TMEM135: variants seen among roughly 807,000 people sequenced by gnomAD.
TMEM135 encodes the protein transmembrane protein 135, also known as peroxisomal membrane protein 52.
Under a neutral mutation model 60.3 loss-of-function variants are expected in TMEM135, and 30 were observed. The ratio of observed to expected loss-of-function variants is 0.50; its 90% CI spans 0.37 to 0.68. TMEM135 has a LOEUF of 0.68. TMEM135 is among the 30% of genes least tolerant of loss of function. TMEM135 has a pLI of 0.00. For missense variants in TMEM135, 468 were observed against 548.8 expected (o/e 0.85, Z 1.47); for synonymous variants, 190 against 186.7 (o/e 1.02, Z -0.14).
intron 1 of TMEM135, among the ~76,000 whole-genome samples, chr11:87,054,378 G>A (rs1310366714): frequency 6.6e-6 from 1 of 152,166 alleles, no homozygotes; most frequent in Admixed American, 6.5e-5. Flanking sequence ...AGGTTGCGAT[G>A]AGCCTAGATT....
chr11:87,083,061 C>G (rs140166929), intron 3 of TMEM135, among the ~76,000 whole-genome samples: 2,376 of 151,930 alleles, frequency 0.016, 25 homozygotes, highest in Middle Eastern at 0.027. Context: ...CCTCTTTTTT[C>G]CTTCTCTCTA....
intron 4 of TMEM135, among the ~76,000 whole-genome samples, chr11:87,149,518 A>G (rs1275142369): frequency 6.6e-6 from 1 of 152,240 alleles, no homozygotes; most frequent in Non-Finnish European, 1.5e-5. Context: ...TTTAACACAG[A>G]CAACAGATTG....
At chr11:87,280,384 T>C (rs1268660910) in intron 6 of TMEM135, among the ~76,000 whole-genome samples, 2 of 152,190 alleles carry the variant, frequency 1.3e-5, no homozygotes, top group African/African-American at 4.8e-5. Flanking sequence ...AAAGTTCAAA[T>C]TCGTTTTTGG....
intron 5 of TMEM135, among the ~76,000 whole-genome samples, chr11:87,201,334 C>A (rs1285668259): frequency 6.6e-6 from 1 of 152,068 alleles, no homozygotes; most frequent in African/African-American, 2.4e-5. Flanking sequence ...CTTCATGTTC[C>A]ATTTTTTCTG....
chr11:87,195,311 C>CTCTT (rs1220658089), intron 5 of TMEM135, among the ~76,000 whole-genome samples: 60 of 138,056 alleles, frequency 4.3e-4, no homozygotes, highest in Middle Eastern at 3.7e-3. Flanking sequence ...CTCTTTCTTT[C>CTCTT]TCTTTCCTTC....
chr11:87,239,462 C>A (rs1207538512), intron 6 of TMEM135, among the ~76,000 whole-genome samples: 3 of 151,900 alleles, frequency 2.0e-5, no homozygotes, highest in Non-Finnish European at 4.4e-5. Context: ...TTGGCAGGTC[C>A]AATTGCATTT....
intron 4 of TMEM135, chr11:87,096,166 G>T: frequency 3.7e-6 from 1 of 270,294 alleles, no homozygotes; most frequent in Non-Finnish European, 6.9e-6. Context: ...CTACTACTTG[G>T]AAAACTAGCA....
intron 5 of TMEM135, among the ~76,000 whole-genome samples, chr11:87,216,196 G>T (rs113971188): frequency 2.0e-5 from 3 of 152,132 alleles, no homozygotes; most frequent in South Asian, 4.1e-4. Context: ...GATCCCCTGC[G>T]GATAAGGGGG....
chr11:87,245,256 G>A lies in TMEM135; in HGVS notation c.509+8572G>A, dbSNP rs570694237. ...TCTGTTCTTTTACATTTGCTGAGGA[G>A]AGCTTTACTTCCACGTATGTGGTCA... On this transcript the variant is annotated intron_variant, in intron 6 of 14. Coordinates refer to ENST00000305494, the MANE Select transcript of TMEM135 (RefSeq NM_022918.4). Among the ~76,000 whole-genome samples the A allele has an allele frequency of 5.9e-5, 9 of 151,322 alleles. No homozygotes were observed. In the South Asian group the frequency reaches 1.7e-3, roughly 28 times the overall value.
intron 6 of TMEM135, among the ~76,000 whole-genome samples, chr11:87,269,949 A>G (rs1288308835): frequency 1.6e-5 from 2 of 123,586 alleles, no homozygotes. Flanking sequence ...GAACTAGTTT[A>G]CAGTCCCACC....
chr11:87,150,585 G>A (rs1236685680), intron 4 of TMEM135, among the ~76,000 whole-genome samples: 1 of 152,144 alleles, frequency 6.6e-6, no homozygotes, highest in Admixed American at 6.5e-5. Context: ...CTGAGCCATT[G>A]TACAACTTTT....
At chr11:87,211,175 C>T (rs1190874585) in intron 5 of TMEM135, among the ~76,000 whole-genome samples, 1 of 152,154 alleles carries the variant, frequency 6.6e-6, no homozygotes, top group African/African-American at 2.4e-5. Context: ...AGGTCATACA[C>T]AGTAAGGGCT....
In TMEM135 at chr11:87,325,041, T is replaced by C; in HGVS notation, c.*3708T>C. ...TACAATTGCCTCCAGCCCTTTACTA[T>C]TGGTGCTGAAGCCACCATTGGTGCC... On this transcript the variant is annotated 3_prime_UTR_variant, in exon 15 of 15. Transcript: ENST00000305494. 1 of 454,012 alleles carries C rather than the reference T, an allele frequency of 2.2e-6. No homozygotes were observed. The highest frequency in any genetic ancestry group is 4.4e-6 in the Non-Finnish European group (1 of 226,746). 28.1% of individuals were successfully genotyped at this position (454,012 alleles called of 1,614,324 possible).
At chr11:87,173,600 CAT>C (rs1939296364) in intron 5 of TMEM135, among the ~76,000 whole-genome samples, 1 of 152,168 alleles carries the variant, frequency 6.6e-6, no homozygotes, top group Non-Finnish European at 1.5e-5. Flanking sequence ...ATGTCTGCCA[CAT>C]GTCTGCCACA....
Position 87,054,699 on chromosome 11 carries a change from T to G in TMEM135, c.142-12995T>G, listed in dbSNP as rs1590982495. On this transcript the variant is annotated intron_variant, in intron 1 of 14. Coordinates refer to ENST00000305494, the MANE Select transcript of TMEM135 (RefSeq NM_022918.4). Reference sequence around the variant, plus strand: ...ATTGTGATTAATCCACTTTGGGAGTTTCCTTGAAAGATTCTGCACCTATTG... The same window carrying G: ...ATTGTGATTAATCCACTTTGGGAGTGTCCTTGAAAGATTCTGCACCTATTG... Among the ~76,000 whole-genome samples, 4 of 152,298 alleles carry G rather than the reference T, an allele frequency of 2.6e-5. 1 individual carries two copies. The South Asian group carries it at 8.3e-4, about 32-fold the overall frequency.
Position 87,298,011 on chromosome 11 carries a change from T to A in TMEM135, c.551+2188T>A, listed in dbSNP as rs1271905784. On this transcript the variant is annotated intron_variant, in intron 7 of 14. Coordinates refer to ENST00000305494, the MANE Select transcript of TMEM135 (RefSeq NM_022918.4). ...CAAATATATTTTTTATTGTCAAGTT[T>A]CATTGTAAAAAAATAATGTGAGTTA... Among the ~76,000 whole-genome samples, 3 of 152,342 alleles carry A rather than the reference T, an allele frequency of 2.0e-5. No homozygotes were observed. The East Asian group carries it at 5.8e-4, about 29-fold the overall frequency.
intron 5 of TMEM135, among the ~76,000 whole-genome samples, chr11:87,182,718 T>TA (rs1667925344): frequency 6.6e-6 from 1 of 152,186 alleles, no homozygotes; most frequent in South Asian, 2.1e-4. Flanking sequence ...TTGTGTTTTT[T>TA]AACTGTTTTC....
At chr11:87,077,207 A>G (rs1286900209) in intron 3 of TMEM135, among the ~76,000 whole-genome samples, 1 of 152,212 alleles carries the variant, frequency 6.6e-6, no homozygotes, top group Non-Finnish European at 1.5e-5. Context: ...TATCATTTCG[A>G]GGAAGTTATA....
At chr11:87,127,530 A>T (rs1937769409) in intron 4 of TMEM135, among the ~76,000 whole-genome samples, 1 of 152,184 alleles carries the variant, frequency 6.6e-6, no homozygotes. Context: ...TGATACTCTG[A>T]TGTAGTTAGA....
Sources: allele counts gnomAD v4.1 joint callset (sites outside exome capture counted in the v4.1 genomes callset), GRCh38; gene constraint gnomAD v4.1.1; transcripts MANE v1.5; gene names NCBI Gene and HGNC (gene_info 2026-07-23, HGNC 2026-07-21).